PIK3R5: variants seen among roughly 807,000 people sequenced by gnomAD.
PIK3R5 encodes the protein phosphoinositide 3-kinase regulatory subunit 5.
In PIK3R5, 32 loss-of-function variants were observed where a neutral mutation model predicts 94.9. The ratio of observed to expected loss-of-function variants is 0.34; its 90% confidence interval spans 0.25 to 0.45. The LOEUF (loss-of-function observed/expected upper bound fraction) is 0.45. PIK3R5 is among the 20% of genes least tolerant of loss of function. The probability of loss-of-function intolerance (pLI) is 1.00; values close to 1 mark genes in which losing one functional copy is unlikely to be tolerated. For synonymous variants in PIK3R5, 443 were observed against 479.4 expected, an observed-to-expected ratio of 0.92 and a Z score of 0.99; for missense variants, 853 against 1,144.6, an observed-to-expected ratio of 0.75 and a Z score of 3.68.
chr17:8,959,410 C>T (rs942235096), intron 1 of PIK3R5, among the ~76,000 whole-genome samples: 6 of 99,766 alleles, frequency 6.0e-5, no homozygotes, highest in African/African-American at 1.7e-4. Context: ...AAACTTTGAG[C>T]GAGAGAGACT....
In PIK3R5 at chr17:8,955,539, G is replaced by A. The variant is rs1176657886; in HGVS notation, c.-14+10057C>T. On this transcript the variant is annotated intron_variant, in intron 1 of 18. Transcript: ENST00000447110. This position sits in a 1 kb window ranked among gnomAD's most constrained non-coding sequence, Gnocchi z 4.4. ...GCAGTGGGGTGCCATCAAAGTATCTGAACACAGTGACATAGAAGTTTTCAT... is the reference window on the plus strand; with the variant it reads ...GCAGTGGGGTGCCATCAAAGTATCTAAACACAGTGACATAGAAGTTTTCAT... Among the ~76,000 whole-genome samples, 1 of 152,182 alleles carries A rather than the reference G, an allele frequency of 6.6e-6. No homozygotes were observed. The highest frequency in any genetic ancestry group is 2.4e-5 in the African/African-American group (1 of 41,436).
chr17:8,913,572 C>A (rs533410202), intron 1 of PIK3R5, among the ~76,000 whole-genome samples: 1 of 152,230 alleles, frequency 6.6e-6, no homozygotes, highest in Non-Finnish European at 1.5e-5. Context: ...ATTAGCCAGG[C>A]GTGGTGGCAG....
At chr17:8,916,690 G>T (rs2060957992) in intron 1 of PIK3R5, 1 of 152,446 alleles carries the variant, frequency 6.6e-6, no homozygotes, top group African/African-American at 2.4e-5. Context: ...AGCCAGTCCT[G>T]CTTCCACTTT....
chr17:8,953,333 T>C (rs777348237), intron 1 of PIK3R5, among the ~76,000 whole-genome samples: 18 of 152,188 alleles, frequency 1.2e-4, no homozygotes, highest in Non-Finnish European at 2.2e-4. Flanking sequence ...CTAGTCCTTG[T>C]TCAACTCCAC....
intron 1 of PIK3R5, among the ~76,000 whole-genome samples, chr17:8,965,201 C>G (rs986375286): frequency 6.6e-6 from 1 of 152,216 alleles, no homozygotes; most frequent in Non-Finnish European, 1.5e-5. Flanking sequence ...CAGGTTCTGA[C>G]GGCACAAGAG....
chr17:8,887,703 G>A lies in PIK3R5; in HGVS notation c.1617-20C>T. ...AGCCGCCTGGCAAGAAGAAGATGGT[G>A]AGAAGGGGAATGGGCATGGTGGCTC... On this transcript the variant is annotated intron_variant, in intron 10 of 18. Transcript: ENST00000447110. 4 of 1,574,740 alleles carry A rather than the reference G, an allele frequency of 2.5e-6. No homozygotes were observed. The highest frequency in any genetic ancestry group is 1.2e-5 in the South Asian group (1 of 86,092).
intron 5 of PIK3R5, among the ~76,000 whole-genome samples, chr17:8,903,545 T>A (rs1177671074): frequency 6.6e-6 from 1 of 151,050 alleles, no homozygotes; most frequent in Non-Finnish European, 1.5e-5. Flanking sequence ...TTATAAATTT[T>A]AAAAATATCT....
intron 1 of PIK3R5, among the ~76,000 whole-genome samples, chr17:8,958,268 G>C (rs2091496796): frequency 7.3e-6 from 1 of 137,312 alleles, no homozygotes; most frequent in Admixed American, 7.7e-5. Context: ...GCACTCCAGA[G>C]TGAGACTGTC....
At chr17:8,963,286 G>C (rs888162686) in intron 1 of PIK3R5, among the ~76,000 whole-genome samples, 4 of 152,182 alleles carry the variant, frequency 2.6e-5, no homozygotes, top group African/African-American at 9.7e-5. Flanking sequence ...AGTCAGCACA[G>C]CTTGAGTGCT....
intron 13 of PIK3R5, 32 bp downstream of exon 13, chr17:8,886,445 G>A: frequency 1.3e-6 from 2 of 1,598,284 alleles, no homozygotes; most frequent in East Asian, 4.5e-5. Context: ...CGGCAGGTGG[G>A]GAAGAGGCGG....
chr17:8,882,109 T>C lies in PIK3R5; in HGVS notation c.2206-228A>G. The C allele has an allele frequency of 1.8e-6, 1 of 556,264 alleles. No individual in the cohort carries two copies. The highest frequency in any genetic ancestry group is 3.2e-6 in the Non-Finnish European group (1 of 309,264). 34.5% of individuals were successfully genotyped at this position (556,264 alleles called of 1,614,324 possible). A position where few individuals can be genotyped will look rare whatever the true frequency, so the allele number is the denominator to read the frequency against. On this transcript the variant is annotated intron_variant, in intron 15 of 18. Transcript: ENST00000447110. This position sits in a 1 kb window ranked among gnomAD's most constrained non-coding sequence, Gnocchi z 4.1. ...GGGGTCAGCAGCCTCTGTGACCAGG[T>C]TGAAAGGTACAAGAGCTGAGAGCAC...
chr17:8,902,122 TG>T (rs2090296919), intron 5 of PIK3R5, among the ~76,000 whole-genome samples: 1 of 151,486 alleles, frequency 6.6e-6, no homozygotes, highest in Non-Finnish European at 1.5e-5. Context: ...TTATGAGTAG[TG>T]AGGGTGAATA....
chr17:8,936,332 T>C (rs2091076100), intron 1 of PIK3R5, among the ~76,000 whole-genome samples: 1 of 152,286 alleles, frequency 6.6e-6, no homozygotes, highest in African/African-American at 2.4e-5. Context: ...TCTATGAGTT[T>C]CTCCAAATAT....
rs143882411 is a variant in PIK3R5 at position 8,958,845 on chromosome 17, G to A, written c.-14+6751C>T. On this transcript the variant is annotated intron_variant, in intron 1 of 18. Transcript: ENST00000447110. ...GCGATCTCGGCTCACCACAACCTCCGCCTCCGTGTTCAATCGATTCTCTTG... is the reference window on the plus strand; with the variant it reads ...GCGATCTCGGCTCACCACAACCTCCACCTCCGTGTTCAATCGATTCTCTTG... Among the ~76,000 whole-genome samples the A allele has an allele frequency of 6.6e-3, 991 of 149,310 alleles. 13 individuals carry two copies. Among genetic ancestry groups the A allele is most frequent in the African/African-American group, 0.021 (844 of 40,408 alleles).
At chr17:8,887,020 T>C (rs2089875724) in intron 12 of PIK3R5, 76 bp downstream of exon 12, 1 of 1,566,354 alleles carries the variant, frequency 6.4e-7, no homozygotes, top group African/African-American at 1.4e-5. Context: ...CCTGATTCCC[T>C]AAATCCAGGG....
At position 8,925,197 on chromosome 17, in the gene PIK3R5, T is replaced by C. The variant is rs1423471785; in HGVS notation, c.-13-13690A>G. 4.6e-5 allele frequency among the ~76,000 whole-genome samples: 7 copies of C among 150,876 alleles called. No individual in the cohort carries two copies. The highest frequency in any genetic ancestry group is 7.4e-5 in the African/African-American group (3 of 40,812). On this transcript the variant is annotated intron_variant, in intron 1 of 18. Coordinates refer to ENST00000447110, the MANE Select transcript of PIK3R5 (RefSeq NM_001142633.3). The surrounding 1 kb of genome is among the most constrained non-coding windows in gnomAD (Gnocchi z 5.1). Reference sequence around the variant, plus strand: ...GATGGGTAGATAGATAGACAGAAAGTAGATGGATAGATAGATAGATAGTAG... The same window carrying C: ...GATGGGTAGATAGATAGACAGAAAGCAGATGGATAGATAGATAGATAGTAG...
chr17:8,880,861 TG>T (rs778592804), intron 18 of PIK3R5, 43 bp downstream of exon 18: 7 of 1,612,374 alleles, frequency 4.3e-6, no homozygotes, highest in Non-Finnish European at 5.9e-6. Flanking sequence ...TCTGGGTTGG[TG>T]GGAGCAGAAA....
At chr17:8,954,138 G>C (rs1452426778) in intron 1 of PIK3R5, among the ~76,000 whole-genome samples, 1 of 152,146 alleles carries the variant, frequency 6.6e-6, no homozygotes, top group South Asian at 2.1e-4. Context: ...AAGCTCCCCC[G>C]GCTTGGGAGT....
chr17:8,925,142 A>C lies in PIK3R5; in HGVS notation c.-13-13635T>G, dbSNP rs537041166. Among the ~76,000 whole-genome samples, 1 of 151,608 alleles carries C rather than the reference A, an allele frequency of 6.6e-6. No individual in the cohort carries two copies. Among genetic ancestry groups the C allele is most frequent in the Non-Finnish European group, 1.5e-5 (1 of 67,982 alleles). ...TAGTAGATGGATAGATAGATAGTAG[A>C]TGAATAGATAGCTAGATAGTAGATG... On this transcript the variant is annotated intron_variant, in intron 1 of 18. Transcript: ENST00000447110. This position sits in a 1 kb window ranked among gnomAD's most constrained non-coding sequence, Gnocchi z 5.1.
Sources: gnomAD v4.1 joint callset for allele counts (sites outside exome capture counted in the v4.1 genomes callset) on GRCh38, gnomAD v4.1.1 for gene constraint, Gnocchi (gnomAD v3.1) non-coding constraint, MANE v1.5 for transcripts, NCBI Gene and HGNC (gene_info 2026-07-23, HGNC 2026-07-21) for gene names.